Variants in TBC1D1 observed in about 807,000 individuals in gnomAD.
TBC1D1 encodes the protein TBC1 domain family member 1.
In TBC1D1, 89 loss-of-function variants were observed where a neutral mutation model predicts 125.6. The observed-to-expected ratio is 0.71, with a 90% CI of 0.60 to 0.85. TBC1D1 has a LOEUF of 0.85. Among genes scored for constraint, TBC1D1 ranks in the 40% least tolerant of loss-of-function variants. TBC1D1 has a pLI of 0.00. For synonymous variants in TBC1D1, 565 were observed against 564.1 expected, an observed-to-expected ratio of 1.00 and a Z score of -0.02; for missense variants, 1,377 against 1,469.2, an observed-to-expected ratio of 0.94 and a Z score of 1.03.
At position 38,125,192 on chromosome 4, in the gene TBC1D1, T is replaced by A. The variant is rs878902995; in HGVS notation, c.3132+61T>A. 4.6e-6 allele frequency: 7 copies of A among 1,533,556 alleles called. No homozygotes were observed. The South Asian group carries it at 5.8e-5, about 13-fold the overall frequency. 95.0% of individuals were successfully genotyped at this position (1,533,556 alleles called of 1,614,324 possible). A position where few individuals can be genotyped will look rare whatever the true frequency, so the allele number is the denominator to read the frequency against. On this transcript the variant is annotated intron_variant, in intron 18 of 19. Coordinates refer to ENST00000261439, the MANE Select transcript of TBC1D1 (RefSeq NM_015173.4). ...CATCCTAGATATGTAGAAACTTAAATCTCTCTTGAGCAGGAACTGTTTCCT... is the reference window on the plus strand; with the variant it reads ...CATCCTAGATATGTAGAAACTTAAAACTCTCTTGAGCAGGAACTGTTTCCT...
At chr4:37,913,512 T>C (rs1348902642) in intron 2 of TBC1D1, among the ~76,000 whole-genome samples, 1 of 151,890 alleles carries the variant, frequency 6.6e-6, no homozygotes, top group Non-Finnish European at 1.5e-5. Flanking sequence ...GGCAAGATAA[T>C]CACTTGAACC....
chr4:38,009,197 T>A (rs1482638083), intron 2 of TBC1D1, among the ~76,000 whole-genome samples: 2 of 152,214 alleles, frequency 1.3e-5, no homozygotes, highest in African/African-American at 4.8e-5. Context: ...GCCACAAATC[T>A]GTTCCTTCTG....
chr4:38,083,842 T>C (rs1757000389), intron 12 of TBC1D1, among the ~76,000 whole-genome samples: 1 of 152,214 alleles, frequency 6.6e-6, no homozygotes, highest in South Asian at 2.1e-4. Flanking sequence ...CTTGTACTTC[T>C]CTGCTACCCT....
intron 2 of TBC1D1, among the ~76,000 whole-genome samples, chr4:38,004,205 C>A (rs1219188899): frequency 2.0e-5 from 3 of 152,206 alleles, no homozygotes; most frequent in African/African-American, 7.2e-5. Flanking sequence ...TTGTGACCAG[C>A]AACGAGAGTT....
chr4:38,034,802 T>G (rs745840343), intron 7 of TBC1D1, among the ~76,000 whole-genome samples: 3 of 152,250 alleles, frequency 2.0e-5, no homozygotes, highest in Non-Finnish European at 4.4e-5. Context: ...TCATTTTACT[T>G]TCTTCATATA....
At chr4:38,124,600 A>G (rs1000710836) in intron 17 of TBC1D1, among the ~76,000 whole-genome samples, 1 of 152,186 alleles carries the variant, frequency 6.6e-6, no homozygotes, top group African/African-American at 2.4e-5. Context: ...CTGATGCTTT[A>G]TCTATAAAAA....
chr4:38,099,508 A>G (rs753434820), intron 14 of TBC1D1, among the ~76,000 whole-genome samples: 4 of 152,152 alleles, frequency 2.6e-5, no homozygotes, highest in Non-Finnish European at 5.9e-5. Flanking sequence ...TCACTGTCAA[A>G]AGCTTCCTGC....
At chr4:38,124,060 G>A (rs1195014033) in intron 17 of TBC1D1, among the ~76,000 whole-genome samples, 1 of 152,184 alleles carries the variant, frequency 6.6e-6, no homozygotes, top group South Asian at 2.1e-4. Flanking sequence ...AAGAAACAGA[G>A]AAAAGAAATA....
chr4:38,095,907 G>T, intron 13 of TBC1D1, 22 bp from the exon 16 acceptor site: 3 of 1,600,184 alleles, frequency 1.9e-6, no homozygotes, highest in South Asian at 2.2e-5. Flanking sequence ...TTACTAATGC[G>T]CTCTGGAATG....
intron 2 of TBC1D1, among the ~76,000 whole-genome samples, chr4:37,933,050 T>TAA (rs34363887): frequency 9.7e-5 from 14 of 144,758 alleles, no homozygotes; most frequent in Admixed American, 1.4e-4. Flanking sequence ...AGACTCCATT[T>TAA]AAAAACAAAA....
At chr4:38,109,763 G>A (rs1306995627) in intron 15 of TBC1D1, among the ~76,000 whole-genome samples, 1 of 152,220 alleles carries the variant, frequency 6.6e-6, no homozygotes, top group Non-Finnish European at 1.5e-5. Context: ...GTTCTAGTGG[G>A]AAGACTGATA....
At chr4:37,902,640 C>T in intron 2 of TBC1D1, 128 bp downstream of exon 2, 2 of 770,994 alleles carry the variant, frequency 2.6e-6, no homozygotes, top group Non-Finnish European at 3.9e-6. Flanking sequence ...AAATTGATTA[C>T]TTAGCTGAAT....
At chr4:38,060,526 T>A in intron 12 of TBC1D1, 1 of 742,232 alleles carries the variant, frequency 1.3e-6, no homozygotes, top group Middle Eastern at 2.8e-4. Flanking sequence ...TATCTTCTTT[T>A]GAGAAGTGTC....
intron 16 of TBC1D1, among the ~76,000 whole-genome samples, chr4:38,116,637 C>T (rs990349817): frequency 1.8e-4 from 28 of 152,302 alleles, no homozygotes; most frequent in African/African-American, 6.5e-4. Flanking sequence ...TTGAAGTAGG[C>T]ACCCCATAAG....
intron 8 of TBC1D1, among the ~76,000 whole-genome samples, chr4:38,041,909 C>T (rs1578394538): frequency 6.6e-6 from 1 of 152,294 alleles, no homozygotes; most frequent in East Asian, 1.9e-4. Context: ...CACAGTGGCT[C>T]ACGCCTGTAA....
chr4:38,071,666 A>G (rs1424759228), intron 12 of TBC1D1, among the ~76,000 whole-genome samples: 1 of 152,032 alleles, frequency 6.6e-6, no homozygotes, highest in Non-Finnish European at 1.5e-5. Flanking sequence ...ACTCTTCCTG[A>G]AGTGGTGTGG....
At position 38,131,671 on chromosome 4, in the gene TBC1D1, C is replaced by T. The variant is rs554174356; in HGVS notation, c.3133-1413C>T. 5.9e-5 allele frequency among the ~76,000 whole-genome samples: 9 copies of T among 152,306 alleles called. No homozygotes were observed. The South Asian group carries it at 1.9e-3, about 32-fold the overall frequency. On this transcript the variant is annotated intron_variant, in intron 18 of 19. Transcript: ENST00000261439. Reference sequence around the variant, plus strand: ...GAGCTCAAGTCATTCATAGAGTCGCCAGTGGAGCCGCAATTTTAAGGCTGA... The same window carrying T: ...GAGCTCAAGTCATTCATAGAGTCGCTAGTGGAGCCGCAATTTTAAGGCTGA...
intron 2 of TBC1D1, among the ~76,000 whole-genome samples, chr4:37,943,714 G>T (rs922892376): frequency 2.0e-5 from 3 of 152,134 alleles, no homozygotes; most frequent in East Asian, 3.9e-4. Context: ...CTCTACACTG[G>T]TTATTCTAGT....
chr4:37,897,298 A>C (rs1714859491), intron 1 of TBC1D1, among the ~76,000 whole-genome samples: 1 of 152,222 alleles, frequency 6.6e-6, no homozygotes, highest in African/African-American at 2.4e-5. Flanking sequence ...TTATTTGCAT[A>C]GTTTATCTCT....
Sources: allele counts gnomAD v4.1 joint callset (sites outside exome capture counted in the v4.1 genomes callset), GRCh38; gene constraint gnomAD v4.1.1; transcripts MANE v1.5; gene names NCBI Gene and HGNC (gene_info 2026-07-23, HGNC 2026-07-21).